NRXN1: variants seen among roughly 807,000 people sequenced by gnomAD.
NRXN1 encodes the protein neurexin 1.
NRXN1 carries 39 observed loss-of-function variants against 150.9 expected under a neutral mutation model. That is an observed-to-expected ratio of 0.26 (90% CI 0.20 to 0.34). The LOEUF (loss-of-function observed/expected upper bound fraction) is 0.34. NRXN1 is among the 10% of genes least tolerant of loss of function. NRXN1 has a pLI of 1.00. For synonymous variants in NRXN1, 924 were observed against 757.0 expected, an observed-to-expected ratio of 1.22 and a Z score of -3.62; for missense variants, 1,815 against 1,949.9, an observed-to-expected ratio of 0.93 and a Z score of 1.30.
intron 18 of NRXN1, among the ~76,000 whole-genome samples, chr2:50,145,046 C>A (rs1474302639): frequency 6.6e-6 from 1 of 151,570 alleles, no homozygotes; most frequent in African/African-American, 2.4e-5. Flanking sequence ...CTGGCTATTT[C>A]TGTGATGATT....
chr2:50,134,273 GAA>G (rs59985780), intron 18 of NRXN1, among the ~76,000 whole-genome samples: 1,919 of 96,456 alleles, frequency 0.02, 53 homozygotes, highest in African/African-American at 0.062. Context: ...AAAGTAACCA[GAA>G]AAAAAAAAAA....
At chr2:50,138,822 C>A (rs995508482) in intron 18 of NRXN1, among the ~76,000 whole-genome samples, 18 of 152,198 alleles carry the variant, frequency 1.2e-4, no homozygotes, top group Admixed American at 7.9e-4. Context: ...GAAGTTAGGA[C>A]CAATGGTCCC....
chr2:50,677,938 T>C (rs1689786493), intron 5 of NRXN1, among the ~76,000 whole-genome samples: 2 of 152,082 alleles, frequency 1.3e-5, no homozygotes, highest in South Asian at 2.1e-4. Flanking sequence ...GTATGACAAA[T>C]AGAAACATGT....
At chr2:50,534,136 C>T (rs960741333) in intron 10 of NRXN1, among the ~76,000 whole-genome samples, 5 of 151,818 alleles carry the variant, frequency 3.3e-5, no homozygotes, top group African/African-American at 1.2e-4. Flanking sequence ...CACATACACA[C>T]ACAGTGAGCT....
intron 5 of NRXN1, among the ~76,000 whole-genome samples, chr2:50,742,835 A>T (rs1256180291): frequency 6.6e-6 from 1 of 152,122 alleles, no homozygotes; most frequent in African/African-American, 2.4e-5. Flanking sequence ...ACTTCAGGAA[A>T]TATTCTCCAC....
chr2:50,513,142 G>A (rs935126326), intron 12 of NRXN1, among the ~76,000 whole-genome samples: 20 of 152,266 alleles, frequency 1.3e-4, no homozygotes, highest in African/African-American at 4.3e-4. Context: ...TAAGGACTAA[G>A]GGATATAACA....
chr2:51,010,637 G>A (rs1251738970), intron 2 of NRXN1, among the ~76,000 whole-genome samples: 5 of 152,028 alleles, frequency 3.3e-5, no homozygotes, highest in African/African-American at 1.2e-4. Flanking sequence ...AGATGAAACT[G>A]TTAAAGGAAA....
At chr2:50,149,126 C>G (rs762632593) in intron 18 of NRXN1, among the ~76,000 whole-genome samples, 1 of 151,662 alleles carries the variant, frequency 6.6e-6, no homozygotes, top group East Asian at 1.9e-4. Flanking sequence ...ATGAAAGAGG[C>G]TATTTGTTGT....
chr2:50,738,953 G>C (rs1183131010), intron 5 of NRXN1, among the ~76,000 whole-genome samples: 2 of 152,132 alleles, frequency 1.3e-5, no homozygotes, highest in Non-Finnish European at 2.9e-5. Flanking sequence ...ACATCACTAA[G>C]TGTCTCTAAG....
chr2:50,787,918 A>G (rs755054778), intron 5 of NRXN1, among the ~76,000 whole-genome samples: 2 of 152,058 alleles, frequency 1.3e-5, no homozygotes, highest in Non-Finnish European at 2.9e-5. Context: ...AGCATGTCAT[A>G]AGGATTAAAT....
At chr2:50,218,865 T>A (rs959624204) in intron 18 of NRXN1, among the ~76,000 whole-genome samples, 1 of 152,056 alleles carries the variant, frequency 6.6e-6, no homozygotes, top group Non-Finnish European at 1.5e-5. Context: ...GTTATACATA[T>A]GCAAAACAAA....
chr2:50,810,899 G>C (rs2105761312), intron 5 of NRXN1, among the ~76,000 whole-genome samples: 1 of 151,934 alleles, frequency 6.6e-6, no homozygotes, highest in Non-Finnish European at 1.5e-5. Context: ...GGAATCAGTT[G>C]AACTCGAGAG....
chr2:50,686,386 T>C (rs1691239180), intron 5 of NRXN1, among the ~76,000 whole-genome samples: 1 of 152,116 alleles, frequency 6.6e-6, no homozygotes, highest in South Asian at 2.1e-4. Context: ...CCTGAGTCTT[T>C]CTAAAAGGGG....
At chr2:50,165,783 A>T (rs2152794016) in intron 18 of NRXN1, among the ~76,000 whole-genome samples, 1 of 152,310 alleles carries the variant, frequency 6.6e-6, no homozygotes, top group African/African-American at 2.4e-5. Flanking sequence ...ATGTCAAATG[A>T]TTACACTATG....
At chr2:50,816,608 C>A (rs760684784) in intron 5 of NRXN1, among the ~76,000 whole-genome samples, 1 of 152,060 alleles carries the variant, frequency 6.6e-6, no homozygotes, top group Non-Finnish European at 1.5e-5. Context: ...TTGTTTGGTT[C>A]ATGAGGTGAA....
intron 21 of NRXN1, among the ~76,000 whole-genome samples, chr2:50,018,696 A>G (rs1687027179): frequency 6.6e-6 from 1 of 152,234 alleles, no homozygotes; most frequent in Non-Finnish European, 1.5e-5. Flanking sequence ...CAAGGCTGCC[A>G]GTTATTTGTA....
chr2:50,070,626 C>T (rs539750056), intron 19 of NRXN1, among the ~76,000 whole-genome samples: 185 of 151,722 alleles, frequency 1.2e-3, no homozygotes, highest in Middle Eastern at 3.4e-3. Context: ...AAAAATTATC[C>T]GGGCGTAGTG....
At chr2:50,616,951 A>C (rs550390922) in intron 8 of NRXN1, among the ~76,000 whole-genome samples, 6 of 152,310 alleles carry the variant, frequency 3.9e-5, no homozygotes, top group African/African-American at 1.4e-4. Context: ...GTTAAGAGAG[A>C]TTCTGTGAGA....
intron 8 of NRXN1, among the ~76,000 whole-genome samples, chr2:50,563,692 A>T (rs1669449629): frequency 6.6e-6 from 1 of 152,204 alleles, no homozygotes. Context: ...CCAGAGCCTG[A>T]AATGGACTGT....
Sources: gnomAD v4.1 joint callset for allele counts (sites outside exome capture counted in the v4.1 genomes callset) on GRCh38, gnomAD v4.1.1 for gene constraint, MANE v1.5 for transcripts, NCBI Gene and HGNC (gene_info 2026-07-23, HGNC 2026-07-21) for gene names.